Variants in B3GNT4 observed in about 807,000 individuals in gnomAD.
B3GNT4 encodes UDP-GlcNAc:betaGal beta-1,3-N-acetylglucosaminyltransferase 4.
Under a neutral mutation model 2.7 loss-of-function variants are expected in B3GNT4, and 2 were observed. That is an observed-to-expected ratio of 0.73 (90% CI 0.30 to 2.31). B3GNT4 has a LOEUF of 2.31. B3GNT4 is among the 30% of genes most tolerant of loss of function. B3GNT4 has a pLI of 0.12. For missense variants in B3GNT4, 708 were observed against 490.9 expected (o/e 1.44, Z -4.18); for synonymous variants, 280 against 203.4 (o/e 1.38, Z -3.20).
In B3GNT4 at chr12:122,207,169, C is replaced by G; in HGVS notation, c.918C>G (p.Val306=). Residue 306 remains valine, a synonymous_variant, in exon 3 of 3, where the codon GTC becomes GTG. Coordinates refer to ENST00000324189, the MANE Select transcript of B3GNT4 (RefSeq NM_030765.4). ...CTGAACTCTTCCCCATTGATGATGTCTTTGTGGGTATGTGCCTGAGGCGGC... is the reference window on the plus strand; with the variant it reads ...CTGAACTCTTCCCCATTGATGATGTGTTTGTGGGTATGTGCCTGAGGCGGC... ...EDAELFPIDD[V]FVGMCLRRLG... is the part of the protein sequence containing the mutation. 1 of 1,614,022 alleles carries G rather than the reference C, an allele frequency of 6.2e-7. No homozygotes were observed. The highest frequency in any genetic ancestry group is 2.2e-5 in the East Asian group (1 of 44,884).
Position 122,207,197 on chromosome 12 carries a change from G to C in B3GNT4, c.946G>C (p.Gly316Arg), listed in dbSNP as rs773463607. 6 of 1,614,020 alleles carry C rather than the reference G, an allele frequency of 3.7e-6. No homozygotes were observed. The highest frequency in any genetic ancestry group is 5.1e-6 in the Non-Finnish European group (6 of 1,180,000). The change falls in exon 3 of 3, where the codon GGG (glycine) becomes CGG (arginine). Residue 316 changes from glycine to arginine, a missense_variant. Physicochemically the swap from Gly to Arg is moderately radical, Grantham distance 125 (BLOSUM62 -2). Transcript: ENST00000324189. ...TGTGGGTATGTGCCTGAGGCGGCTGGGGCTGAGCCCTATGCACCATGCTGG... is the reference window on the plus strand; with the variant it reads ...TGTGGGTATGTGCCTGAGGCGGCTGCGGCTGAGCCCTATGCACCATGCTGG... ...VFVGMCLRRL[G>R]LSPMHHAGFK... is the part of the protein sequence containing the mutation.
Position 122,204,700 on chromosome 12 carries a change from C to A in B3GNT4, c.66+16C>A, listed in dbSNP as rs185977606. 2.1e-4 allele frequency: 328 copies of A among 1,595,004 alleles called. No homozygotes were observed. Among genetic ancestry groups the A allele is most frequent in the Admixed American group, 6.2e-4 (37 of 59,912 alleles). On this transcript the variant is annotated intron_variant, in intron 2 of 2. Coordinates refer to ENST00000324189, the MANE Select transcript of B3GNT4 (RefSeq NM_030765.4). ...TTTACCAAAGGTCAGATTCTTTCAC[C>A]GCCTCTGCCAGACCCCCTTGTCCCC...
In B3GNT4 at chr12:122,206,934, T is replaced by C; in HGVS notation, c.683T>C (p.Val228Ala). The C allele has an allele frequency of 6.2e-7, 1 of 1,614,068 alleles. No individual in the cohort carries two copies. The highest frequency in any genetic ancestry group is 1.3e-5 in the African/African-American group (1 of 75,028). ...DDDVFVHVPN[V>A]LEFLDGWDPA... ...GATGTCTTTGTCCACGTCCCCAACG[T>C]GTTAGAGTTCCTGGATGGCTGGGAC... is the stretch of plus-strand genomic sequence containing the variant. The change falls in exon 3 of 3, where the codon GTG becomes GCG. Residue 228 changes from valine (V) to alanine (A), a missense_variant. Transcript: ENST00000324189.
rs766766433 is a variant in B3GNT4 at position 122,206,521 on chromosome 12, T to G, written c.270T>G (p.Pro90=). The G allele has an allele frequency of 1.9e-5, 30 of 1,614,076 alleles. No individual in the cohort carries two copies. Among genetic ancestry groups the G allele is most frequent in the Admixed American group, 1.0e-4 (6 of 59,998 alleles). The part of the protein sequence containing the change: ...HTVSSASLSL[P]SRHRLFLTYR... ...TGTCTAGCGCCTCTCTGTCCCTGCC[T>G]AGCCGTCACCGTCTCTTCTTGACCT... The change falls in exon 3 of 3, where the codon CCT becomes CCG. Residue 90 remains proline (P), a synonymous_variant. Transcript: ENST00000324189.
chr12:122,204,343 C>T (rs1402574139), intron 1 of B3GNT4, among the ~76,000 whole-genome samples, 179 bp from the exon 2 acceptor site: 1 of 151,790 alleles, frequency 6.6e-6, no homozygotes, highest in Non-Finnish European at 1.5e-5. Context: ...GTCTCCGCGG[C>T]TCGGAGGGCG....
Position 122,207,499 on chromosome 12 carries a change from T to C in B3GNT4, c.*111T>C. 1.0e-6 allele frequency: 1 copy of C among 990,300 alleles called. No individual in the cohort carries two copies. Among genetic ancestry groups the C allele is most frequent in the Non-Finnish European group, 1.4e-6 (1 of 692,684 alleles). The allele number at this position is 990,300 out of a possible 1,614,324, so 61.3% of individuals were successfully genotyped here. On this transcript the variant is annotated 3_prime_UTR_variant, in exon 3 of 3. Transcript: ENST00000324189. ...AATGCCAACTTGGTTTTTTAACTCCTCTCACCCTGTTAGCTCTGATTAAAA... is the reference window on the plus strand; with the variant it reads ...AATGCCAACTTGGTTTTTTAACTCCCCTCACCCTGTTAGCTCTGATTAAAA...
chr12:122,204,788 C>T (rs1953893665), intron 2 of B3GNT4, 104 bp downstream of exon 2: 1 of 1,036,624 alleles, frequency 9.6e-7, no homozygotes, highest in Admixed American at 2.2e-5. Context: ...GCCTGTAGTC[C>T]CAACGCTTTG....
rs889721167 is a variant in B3GNT4 at position 122,207,728 on chromosome 12, G to C, written c.*340G>C. 1.9e-5 allele frequency: 10 copies of C among 514,570 alleles called. No individual in the cohort carries two copies. The highest frequency in any genetic ancestry group is 1.6e-4 in the East Asian group (3 of 18,942). 31.9% of individuals were successfully genotyped at this position (514,570 alleles called of 1,614,324 possible). On this transcript the variant is annotated 3_prime_UTR_variant, in exon 3 of 3. Transcript: ENST00000324189. ...CAAAATCTTACACTCTTCTCCTTTG[G>C]ATACAATAGAGAAACGGAAAGAAAG...
intron 2 of B3GNT4, 164 bp from the exon 3 acceptor site, chr12:122,206,154 C>T (rs1953911095): frequency 1.7e-6 from 1 of 582,076 alleles, no homozygotes; most frequent in South Asian, 2.7e-5. Context: ...CTTAGCCCAT[C>T]CTCAGGGGAG....
At position 122,207,730 on chromosome 12, in the gene B3GNT4, T is replaced by C. The variant is rs1953956690; in HGVS notation, c.*342T>C. ...AAATCTTACACTCTTCTCCTTTGGA[T>C]ACAATAGAGAAACGGAAAGAAAGGA... is the stretch of plus-strand genomic sequence containing the variant. On this transcript the variant is annotated 3_prime_UTR_variant, in exon 3 of 3. Transcript: ENST00000324189. 3.9e-6 allele frequency: 2 copies of C among 512,400 alleles called. No individual in the cohort carries two copies. The highest frequency in any genetic ancestry group is 3.8e-5 in the African/African-American group (2 of 52,266). The allele number at this position is 512,400 out of a possible 1,614,324, so 31.7% of individuals were successfully genotyped here.
Position 122,208,395 on chromosome 12 carries a change from G to C in B3GNT4, c.*1007G>C, listed in dbSNP as rs766996092. ...TGCTCAGGCCCTCAATCCTCACGCA[G>C]GTAGGCCTCCTGCTCCGACTCAGCC... On this transcript the variant is annotated 3_prime_UTR_variant, in exon 3 of 3. Coordinates refer to ENST00000324189, the MANE Select transcript of B3GNT4 (RefSeq NM_030765.4). 6.2e-6 allele frequency: 10 copies of C among 1,612,436 alleles called. No homozygotes were observed. Among genetic ancestry groups the C allele is most frequent in the Non-Finnish European group, 3.4e-6 (4 of 1,180,014 alleles).
intron 2 of B3GNT4, chr12:122,205,725 GT>G (rs1953904861): frequency 6.6e-6 from 1 of 152,532 alleles, no homozygotes; most frequent in Admixed American, 6.5e-5. Context: ...CTTGTGGTGT[GT>G]GGCTTTGTCT....
rs1299845903 is a variant in B3GNT4 at position 122,208,463 on chromosome 12, A to G, written c.*1075A>G. ...CTGTGTTTTCTGACGGAGCTCTTCT[A>G]TCTGTGCTTCTGCCAGCTTGGTTTC... On this transcript the variant is annotated 3_prime_UTR_variant, in exon 3 of 3. Coordinates refer to ENST00000324189, the MANE Select transcript of B3GNT4 (RefSeq NM_030765.4). The G allele has an allele frequency of 6.2e-7, 1 of 1,613,798 alleles. No individual in the cohort carries two copies. The highest frequency in any genetic ancestry group is 1.3e-5 in the African/African-American group (1 of 74,858).
Position 122,208,534 on chromosome 12 carries a change from C to T in B3GNT4, c.*1146C>T, listed in dbSNP as rs372445889. ...GCACCTCTTCCACCTGCAGTTTCAC[C>T]AGCTGAATGTGATTCCTGGCGGTTA... On this transcript the variant is annotated 3_prime_UTR_variant, in exon 3 of 3. Transcript: ENST00000324189. The T allele has an allele frequency of 1.8e-5, 29 of 1,613,974 alleles. No homozygotes were observed. Among genetic ancestry groups the T allele is most frequent in the Middle Eastern group, 1.7e-4 (1 of 6,060 alleles).
At position 122,203,744 on chromosome 12, in the gene B3GNT4, C is replaced by T. The variant is rs553195617; in HGVS notation, c.-155C>T. ...CCCGAGAGCTCCGCGCACCTGGGCG[C>T]CATCCGCCCTGGCTCCGCTGCACGA... On this transcript the variant is annotated 5_prime_UTR_variant, in exon 1 of 3. Transcript: ENST00000324189. The T allele has an allele frequency of 5.1e-5, 13 of 253,344 alleles. No homozygotes were observed. Among genetic ancestry groups the T allele is most frequent in the Middle Eastern group, 2.4e-3 (2 of 826 alleles). The allele number at this position is 253,344 out of a possible 1,614,324, so 15.7% of individuals were successfully genotyped here.
rs762937151 is a variant in B3GNT4 at position 122,206,753 on chromosome 12, G to A, written c.502G>A (p.Ala168Thr). The change falls in exon 3 of 3, where the codon GCC becomes ACC. Residue 168 changes from alanine (A) to threonine (T), a missense_variant. Physicochemically the swap from Ala to Thr is moderately conservative, Grantham distance 58 (BLOSUM62 0). Transcript: ENST00000324189. ...AGGGGTGGCAGGATCCGCTCCCCCA[G>A]CCCAGCTGCTGGCCTATGAGAGTAG... ...LLGVAGSAPP[A>T]QLLAYESREF... 2.0e-5 allele frequency: 32 copies of A among 1,606,068 alleles called. No individual in the cohort carries two copies. The highest frequency in any genetic ancestry group is 1.8e-4 in the South Asian group (16 of 90,250).
rs1407765500 is a variant in B3GNT4, at chr12:122,206,641, C to T, written c.390C>T (p.His130=). 3.1e-6 allele frequency: 5 copies of T among 1,613,726 alleles called. No homozygotes were observed. The highest frequency in any genetic ancestry group is 2.2e-5 in the South Asian group (2 of 91,088). Residue 130 remains histidine, a synonymous_variant, in exon 3 of 3, where the codon CAC becomes CAT. Transcript: ENST00000324189. The part of the protein sequence containing the change: ...LLLAIKSQPG[H]VERRAAIRST... The stretch of plus-strand genomic sequence containing the variant: ...TGGCCATCAAGTCACAGCCTGGTCA[C>T]GTGGAGCGACGTGCGGCTATCCGCA...
At position 122,206,591 on chromosome 12, in the gene B3GNT4, T is replaced by G; in HGVS notation, c.340T>G (p.Cys114Gly). Reference protein sequence around the residue: ...NFSILLEPSGCSKDTFLLLAI... With the variant: ...NFSILLEPSGGSKDTFLLLAI... ...CTCTATCTTGCTGGAGCCTTCAGGC[T>G]GTTCCAAGGATACCTTCTTGCTCCT... Residue 114 changes from cysteine (C) to glycine (G), a missense_variant, in exon 3 of 3, where the codon TGT (cysteine) becomes GGT (glycine). By Grantham distance (159) the Cys-to-Gly change is radical (BLOSUM62 -3). Transcript: ENST00000324189. 1.2e-6 allele frequency: 2 copies of G among 1,614,226 alleles called. No homozygotes were observed. Among genetic ancestry groups the G allele is most frequent in the East Asian group, 2.2e-5 (1 of 44,868 alleles).
In B3GNT4 at chr12:122,206,991, TCCG is replaced by T. The variant is rs1566017323; in HGVS notation, c.743_745del (p.Arg248del). 1 of 1,613,982 alleles carries T rather than the reference TCCG, an allele frequency of 6.2e-7. No homozygotes were observed. The highest frequency in any genetic ancestry group is 2.2e-5 in the East Asian group (1 of 44,864). On this transcript the variant is annotated inframe_deletion, in exon 3 of 3. Transcript: ENST00000324189. ...CAGGACCTCCTGGTGGGAGATGTCATCCGCCAAGCCCTGCCCAACAGGAACACT... is the reference window on the plus strand; with the variant it reads ...CAGGACCTCCTGGTGGGAGATGTCATCCAAGCCCTGCCCAACAGGAACACT...
Sources: gnomAD v4.1 joint callset for allele counts (sites outside exome capture counted in the v4.1 genomes callset) on GRCh38, gnomAD v4.1.1 for gene constraint, MANE v1.5 for transcripts, NCBI Gene and HGNC (gene_info 2026-07-23, HGNC 2026-07-21) for gene names.